TAMM41: variants seen among roughly 807,000 people sequenced by gnomAD.
The protein encoded by TAMM41 is phosphatidate cytidylyltransferase, mitochondrial.
Under a neutral mutation model 44.1 loss-of-function variants are expected in TAMM41, and 36 were observed. That is an observed-to-expected ratio of 0.82 (90% confidence interval 0.63 to 1.08). The LOEUF (loss-of-function observed/expected upper bound fraction) is 1.08, where lower values mean the gene tolerates loss of function less well. Ranked by LOEUF, TAMM41 falls within the 50% of genes least tolerant of loss-of-function variation. The pLI is 0.00. For missense variants in TAMM41, 417 were observed against 404.3 expected, an observed-to-expected ratio of 1.03 and a Z score of -0.27; for synonymous variants, 164 against 153.1, an observed-to-expected ratio of 1.07 and a Z score of -0.53.
chr3:11,740,366 G>A, the TAMM41 span, among the ~76,000 whole-genome samples: 2 of 151,942 alleles, frequency 1.3e-5, no homozygotes, highest in Non-Finnish European at 2.9e-5. Context: ...ATGATACAGA[G>A]GGGTCCCATG....
At chr3:11,824,378 T>TG (rs2078656154) in intron 4 of TAMM41, among the ~76,000 whole-genome samples, 1 of 149,410 alleles carries the variant, frequency 6.7e-6, no homozygotes, top group Non-Finnish European at 1.5e-5. Flanking sequence ...TTTTTTTTTT[T>TG]TGTGACAAAG....
intron 3 of TAMM41, among the ~76,000 whole-genome samples, chr3:11,838,340 C>G (rs2079275591): frequency 6.6e-6 from 1 of 152,216 alleles, no homozygotes; most frequent in South Asian, 2.1e-4. Context: ...TCAGCCTCCC[C>G]CAGTAGCTGG....
At chr3:11,840,112 C>G (rs1464526916) in intron 2 of TAMM41, among the ~76,000 whole-genome samples, 1 of 152,134 alleles carries the variant, frequency 6.6e-6, no homozygotes, top group Non-Finnish European at 1.5e-5. Context: ...CACCCATTCC[C>G]TAGTCCCCTG....
chr3:11,777,415 C>A, the TAMM41 span, among the ~76,000 whole-genome samples: 1 of 152,218 alleles, frequency 6.6e-6, no homozygotes, highest in Admixed American at 6.5e-5. Context: ...AATGTTTTAA[C>A]CAACCAAGAA....
At chr3:11,732,027 G>A in the TAMM41 span, among the ~76,000 whole-genome samples, 1 of 152,004 alleles carries the variant, frequency 6.6e-6, no homozygotes, top group East Asian at 1.9e-4. Context: ...TCACCATGCC[G>A]GGCTAATTTT....
the TAMM41 span, among the ~76,000 whole-genome samples, chr3:11,749,983 C>T: frequency 1.4e-3 from 205 of 151,768 alleles, 1 homozygote; most frequent in African/African-American, 4.7e-3. Context: ...CTGCAAGCTC[C>T]ACCTCCCGGT....
chr3:11,814,806 C>T lies in TAMM41; in HGVS notation c.708+2386G>A, dbSNP rs146689890. Among the ~76,000 whole-genome samples the T allele has an allele frequency of 3.5e-3, 538 of 152,142 alleles. 3 individuals carry two copies. Among genetic ancestry groups the T allele is most frequent in the African/African-American group, 0.012 (515 of 41,506 alleles). ...GGTGAAACTGTTTCTACTAAAAACACAAAAACCAGCCAGGCGTGGTGGCGC... is the reference window on the plus strand; with the variant it reads ...GGTGAAACTGTTTCTACTAAAAACATAAAAACCAGCCAGGCGTGGTGGCGC... On this transcript the variant is annotated intron_variant, in intron 5 of 7. Transcript: ENST00000455809.
chr3:11,732,877 A>G, the TAMM41 span, among the ~76,000 whole-genome samples: 1 of 152,140 alleles, frequency 6.6e-6, no homozygotes, highest in African/African-American at 2.4e-5. Context: ...GGGGGGACAA[A>G]TTCAAGAAAA....
At chr3:11,752,961 A>T in the TAMM41 span, among the ~76,000 whole-genome samples, 2 of 151,732 alleles carry the variant, frequency 1.3e-5, no homozygotes, top group African/African-American at 2.4e-5. Context: ...GGCCCATATG[A>T]AGCTTATATC....
chr3:11,807,853 G>GTGCTCTGTC lies in TAMM41; in HGVS notation c.908_916dup (p.Arg303_Ser305dup). 1 of 1,536,066 alleles carries GTGCTCTGTC rather than the reference G, an allele frequency of 6.5e-7. No homozygotes were observed. The highest frequency in any genetic ancestry group is 8.7e-7 in the Non-Finnish European group (1 of 1,146,912). ...CTTACCAGCAGTAAAAATGCCTTTC[G>GTGCTCTGTC]TGCTCTGTCTTATACTAGACGGTCT... On this transcript the variant is annotated inframe_insertion, in exon 7 of 8. Transcript: ENST00000455809.
chr3:11,743,765 T>C, the TAMM41 span, among the ~76,000 whole-genome samples: 4 of 152,180 alleles, frequency 2.6e-5, no homozygotes, highest in Non-Finnish European at 5.9e-5. Context: ...GTGCTCCCAC[T>C]ATACAGCAGC....
chr3:11,846,521 C>CCTG lies in TAMM41; in HGVS notation c.113_115dup (p.Ala38dup), dbSNP rs1488647643. On this transcript the variant is annotated inframe_insertion, in exon 1 of 8. Transcript: ENST00000455809. Reference sequence around the variant, plus strand: ...GCTCACCTTCTGGTCTGAACTCGGCCCTGCCTGGCGGTACACCCCGGAGCC... The same window carrying CCTG: ...GCTCACCTTCTGGTCTGAACTCGGCCCTGCTGCCTGGCGGTACACCCCGGAGCC... 6.2e-7 allele frequency: 1 copy of CCTG among 1,614,084 alleles called. No homozygotes were observed. The highest frequency in any genetic ancestry group is 1.7e-5 in the Admixed American group (1 of 60,006).
At chr3:11,742,739 A>G in the TAMM41 span, among the ~76,000 whole-genome samples, 1 of 141,532 alleles carries the variant, frequency 7.1e-6, no homozygotes, top group Non-Finnish European at 1.5e-5. Context: ...GGTGTGCACC[A>G]CCACACCTGG....
chr3:11,846,576 G>T lies in TAMM41; in HGVS notation c.61C>A (p.Pro21Thr), dbSNP rs1469281131. Residue 21 changes from proline to threonine, a missense_variant, in exon 1 of 8, where the codon CCC (proline) becomes ACC (threonine). Physicochemically the swap from Pro to Thr is conservative, Grantham distance 38 (BLOSUM62 -1). Coordinates refer to ENST00000455809, the MANE Select transcript of TAMM41 (RefSeq NM_001284401.2). Reference protein sequence around the residue: ...VTFRKILSHFPEELSLAFVYG... With the variant: ...VTFRKILSHFTEELSLAFVYG... ...ACGAAAGCCAGACTCAGCTCCTCGG[G>T]GAAGTGAGACAGGATCTTGCGGAAG... 6.2e-7 allele frequency: 1 copy of T among 1,614,130 alleles called. No homozygotes were observed. The highest frequency in any genetic ancestry group is 8.5e-7 in the Non-Finnish European group (1 of 1,180,052).
the TAMM41 span, among the ~76,000 whole-genome samples, chr3:11,782,289 T>C: frequency 6.6e-5 from 10 of 152,196 alleles, no homozygotes; most frequent in Non-Finnish European, 1.3e-4. Context: ...CTCACACCTG[T>C]AGTCCTAGCA....
the TAMM41 span, among the ~76,000 whole-genome samples, chr3:11,723,221 A>T: frequency 2.0e-5 from 3 of 152,240 alleles, no homozygotes; most frequent in East Asian, 5.8e-4. Flanking sequence ...TGGATGGGAG[A>T]AAACCATTTG....
chr3:11,836,562 C>G (rs1225325948), intron 3 of TAMM41, among the ~76,000 whole-genome samples: 1 of 152,172 alleles, frequency 6.6e-6, no homozygotes, highest in Non-Finnish European at 1.5e-5. Flanking sequence ...TTTCTGGGTT[C>G]AAGTGGTTCT....
the TAMM41 span, among the ~76,000 whole-genome samples, chr3:11,758,421 G>GGCT: frequency 2.6e-5 from 4 of 152,062 alleles, no homozygotes; most frequent in African/African-American, 7.2e-5. Context: ...GCATGATCTT[G>GGCT]GCTCACTGCA....
chr3:11,834,597 T>C (rs1349947722), intron 3 of TAMM41, among the ~76,000 whole-genome samples: 1 of 152,208 alleles, frequency 6.6e-6, no homozygotes, highest in Non-Finnish European at 1.5e-5. Flanking sequence ...GGGTATTCCA[T>C]CAATTATGAG....
Sources: allele counts gnomAD v4.1 joint callset (sites outside exome capture counted in the v4.1 genomes callset), GRCh38; gene constraint gnomAD v4.1.1; transcripts MANE v1.5; gene names NCBI Gene and HGNC (gene_info 2026-07-23, HGNC 2026-07-21).